Variants in PCMT1 observed in about 807,000 individuals in gnomAD.
PCMT1 encodes protein-L-isoaspartate (D-aspartate) O-methyltransferase.
Under a neutral mutation model 29.2 loss-of-function variants are expected in PCMT1, and 9 were observed. The ratio of observed to expected loss-of-function variants is 0.31; its 90% CI spans 0.19 to 0.54. The LOEUF (loss-of-function observed/expected upper bound fraction) is 0.54, where lower values mean the gene tolerates loss of function less well. PCMT1 is among the 20% of genes least tolerant of loss of function. The pLI is 0.95. For synonymous variants in PCMT1, 98 were observed against 97.5 expected (o/e 1.00, Z -0.03); for missense variants, 184 against 282.2 (o/e 0.65, Z 2.49).
At chr6:149,796,841 T>C in intron 6 of PCMT1, 1 of 166,260 alleles carries the variant, frequency 6.0e-6, no homozygotes, top group Non-Finnish European at 1.3e-5. Flanking sequence ...GAGGTGGAGT[T>C]TTGCTCTTGT....
chr6:149,785,476 A>G (rs1362196746), intron 3 of PCMT1, among the ~76,000 whole-genome samples: 4 of 150,256 alleles, frequency 2.7e-5, no homozygotes, highest in Admixed American at 6.7e-5. Flanking sequence ...GCAGGGTCAT[A>G]GGACAATAGT....
chr6:149,802,016 C>T (rs576095310), intron 6 of PCMT1, among the ~76,000 whole-genome samples, 184 bp from the exon 7 acceptor site: 2 of 152,142 alleles, frequency 1.3e-5, no homozygotes, highest in African/African-American at 4.8e-5. Context: ...GTAGTCCCAG[C>T]TACTTGGGAG....
At chr6:149,769,770 ATTTTTTTTTTTTT>A (rs34274281) in intron 1 of PCMT1, among the ~76,000 whole-genome samples, 19 of 99,726 alleles carry the variant, frequency 1.9e-4, no homozygotes, top group African/African-American at 6.8e-4. Flanking sequence ...AGCTAATTAA[ATTTTTTTTTTTTT>A]TTTTTTTTTT....
chr6:149,750,730 C>T (rs368161698), intron 1 of PCMT1, among the ~76,000 whole-genome samples: 152 of 152,268 alleles, frequency 1.0e-3, no homozygotes, highest in Middle Eastern at 3.4e-3. Context: ...CTTTATATCA[C>T]TCTCCTTAGT....
chr6:149,787,820 CCT>C (rs901304660), intron 3 of PCMT1, among the ~76,000 whole-genome samples: 4 of 110,878 alleles, frequency 3.6e-5, no homozygotes, highest in African/African-American at 2.1e-4. Context: ...TCCCCTCTCT[CCT>C]CTGTGTGTGT....
rs539152662 is a variant in PCMT1 at position 149,798,723 on chromosome 6, A to G, written c.504+2223A>G. Among the ~76,000 whole-genome samples the G allele has an allele frequency of 8.3e-4, 127 of 152,342 alleles. 1 individual carries two copies. In the Middle Eastern group the frequency reaches 0.01, roughly 12 times the overall value. ...ATAGCTGACCCAGGAGGGTAGAGGA[A>G]GTAGAAACTAAAGAGACTACAGAGT... On this transcript the variant is annotated intron_variant, in intron 6 of 7. Coordinates refer to ENST00000464889, the MANE Select transcript of PCMT1 (RefSeq NM_001360452.2).
At chr6:149,766,886 C>T (rs1787107879) in intron 1 of PCMT1, among the ~76,000 whole-genome samples, 1 of 152,118 alleles carries the variant, frequency 6.6e-6, no homozygotes, top group Non-Finnish European at 1.5e-5. Flanking sequence ...AGTCTCCTCA[C>T]CTGGCTTCTT....
In PCMT1 at chr6:149,786,451, G is replaced by A. The variant is rs1788088522; in HGVS notation, c.193-3503G>A. Among the ~76,000 whole-genome samples, 3 of 143,120 alleles carry A rather than the reference G, an allele frequency of 2.1e-5. No individual in the cohort carries two copies. The South Asian group carries it at 6.9e-4, about 33-fold the overall frequency. 93.9% of individuals were successfully genotyped at this position (143,120 alleles called of 152,430 possible). On this transcript the variant is annotated intron_variant, in intron 3 of 7. Coordinates refer to ENST00000464889, the MANE Select transcript of PCMT1 (RefSeq NM_001360452.2). ...CTCCCTCCCGGACGGGGTGGCTGCT[G>A]GGCGGAGACGCTCCTCACTTCCCAG...
chr6:149,763,093 ATATG>A (rs1337902895), intron 1 of PCMT1, among the ~76,000 whole-genome samples: 4 of 67,722 alleles, frequency 5.9e-5, no homozygotes, highest in Non-Finnish European at 8.6e-5. Context: ...TCTATGATAT[ATATG>A]ATATATATAT....
chr6:149,796,507 C>T lies in PCMT1; in HGVS notation c.504+7C>T, dbSNP rs368525217. On this transcript the variant is annotated splice_region_variant and intron_variant, in intron 6 of 7. Coordinates refer to ENST00000464889, the MANE Select transcript of PCMT1 (RefSeq NM_001360452.2). The stretch of plus-strand genomic sequence containing the variant: ...CCCTGTTGTACCCCAGGCGGTGAGT[C>T]GGGATTTTTTCTGTTTGTGTGTTTT... 32 of 1,604,158 alleles carry T rather than the reference C, an allele frequency of 2.0e-5. No individual in the cohort carries two copies. Among genetic ancestry groups the T allele is most frequent in the South Asian group, 7.8e-5 (7 of 89,688 alleles).
intron 1 of PCMT1, among the ~76,000 whole-genome samples, chr6:149,764,610 T>C (rs192337097): frequency 4.6e-5 from 7 of 152,104 alleles, no homozygotes; most frequent in Non-Finnish European, 8.8e-5. Flanking sequence ...TGTGGTGGCA[T>C]GCACATGTAG....
At chr6:149,776,329 C>G (rs77046724) in intron 3 of PCMT1, among the ~76,000 whole-genome samples, 4,270 of 62,394 alleles carry the variant, frequency 0.068, 4 homozygotes, top group East Asian at 0.23. Flanking sequence ...CTCACTGCAA[C>G]CTCCGCCCCG....
At chr6:149,758,208 C>CTTTTTTTTTTTTTTTTTTTTTTTTTTTTT (rs756014067) in intron 1 of PCMT1, among the ~76,000 whole-genome samples, 2 of 73,916 alleles carry the variant, frequency 2.7e-5, no homozygotes, top group African/African-American at 5.3e-5. Flanking sequence ...TTCTTTCTTT[C>CTTTTTTTTTTTTTTTTTTTTTTTTTTTTT]TTTTTTTTTT....
At chr6:149,769,070 A>T (rs1562402745) in intron 1 of PCMT1, among the ~76,000 whole-genome samples, 1 of 152,074 alleles carries the variant, frequency 6.6e-6, no homozygotes, top group Non-Finnish European at 1.5e-5. Flanking sequence ...ATAGTTTTAA[A>T]TACTGGTTTT....
intron 2 of PCMT1, chr6:149,772,704 G>A (rs1787384256): frequency 5.0e-6 from 2 of 403,502 alleles, no homozygotes; most frequent in Non-Finnish European, 9.7e-6. Flanking sequence ...ATTTTCTTGA[G>A]ATCATAAAAA....
chr6:149,756,846 T>A lies in PCMT1; in HGVS notation c.55+6890T>A, dbSNP rs553445425. Among the ~76,000 whole-genome samples the A allele has an allele frequency of 2.5e-3, 381 of 151,760 alleles. 1 individual carries two copies. Among genetic ancestry groups the A allele is most frequent in the African/African-American group, 8.8e-3 (365 of 41,466 alleles). ...TGAAATCCTATGTATATATTTAAAT[T>A]TAAATTATATAAAAATAAATAAAAT... On this transcript the variant is annotated intron_variant, in intron 1 of 7. Coordinates refer to ENST00000464889, the MANE Select transcript of PCMT1 (RefSeq NM_001360452.2).
At chr6:149,757,981 T>C (rs1583003429) in intron 1 of PCMT1, among the ~76,000 whole-genome samples, 1 of 151,966 alleles carries the variant, frequency 6.6e-6, no homozygotes, top group East Asian at 1.9e-4. Flanking sequence ...CTCTCCGGTT[T>C]AAGTGATTCT....
chr6:149,749,998 C>T, intron 1 of PCMT1, 42 bp downstream of exon 1: 1 of 1,583,494 alleles, frequency 6.3e-7, no homozygotes, highest in Non-Finnish European at 8.6e-7. Flanking sequence ...CTGGGGCAGG[C>T]TGGGCCTGGA....
At chr6:149,808,179 ATAATT>A (rs1562429381) in intron 7 of PCMT1, among the ~76,000 whole-genome samples, 1 of 152,042 alleles carries the variant, frequency 6.6e-6, no homozygotes, top group African/African-American at 2.4e-5. Flanking sequence ...AATCTAATAA[ATAATT>A]AAATTATGTA....
Sources: allele counts gnomAD v4.1 joint callset (sites outside exome capture counted in the v4.1 genomes callset), GRCh38; gene constraint gnomAD v4.1.1; transcripts MANE v1.5; gene names NCBI Gene and HGNC (gene_info 2026-07-23, HGNC 2026-07-21).